The following PDE8B variants were observed in gnomAD, a reference collection of about 807,000 sequenced individuals.
PDE8B encodes high affinity cAMP-specific and IBMX-insensitive 3',5'-cyclic phosphodiesterase 8B.
In PDE8B, 26 loss-of-function variants were observed where a neutral mutation model predicts 101.3. The observed-to-expected ratio is 0.26, with a 90% confidence interval of 0.19 to 0.36. The LOEUF is 0.36. Ranked by LOEUF, PDE8B falls within the 10% of genes least tolerant of loss-of-function variation. The probability of loss-of-function intolerance (pLI) is 1.00; values close to 1 mark genes in which losing one functional copy is unlikely to be tolerated. For missense variants in PDE8B, 810 were observed against 1,163.1 expected (o/e 0.70, Z 4.42); for synonymous variants, 424 against 429.3 (o/e 0.99, Z 0.15).
At chr5:77,250,746 T>C (rs1405607557) in intron 1 of PDE8B, among the ~76,000 whole-genome samples, 1 of 152,164 alleles carries the variant, frequency 6.6e-6, no homozygotes, top group African/African-American at 2.4e-5. Context: ...GCCTGGGTCA[T>C]TGGTGGCCTC....
At chr5:77,259,587 G>A (rs1391353360) in intron 1 of PDE8B, among the ~76,000 whole-genome samples, 2 of 152,150 alleles carry the variant, frequency 1.3e-5, no homozygotes, top group Non-Finnish European at 2.9e-5. Context: ...GCCCTCACTT[G>A]GAAGGGGAAT....
At chr5:77,386,536 C>T (rs890944680) in intron 10 of PDE8B, among the ~76,000 whole-genome samples, 4 of 152,094 alleles carry the variant, frequency 2.6e-5, no homozygotes, top group African/African-American at 7.2e-5. Context: ...ATGTAATGGC[C>T]TTCTTTTTCT....
the PDE8B span, among the ~76,000 whole-genome samples, chr5:77,174,501 C>T: frequency 2.0e-5 from 3 of 152,128 alleles, no homozygotes; most frequent in Non-Finnish European, 4.4e-5. Flanking sequence ...TCACTATATG[C>T]TTCCCTCAAC....
At chr5:77,132,340 A>T in the PDE8B span, among the ~76,000 whole-genome samples, 1 of 152,118 alleles carries the variant, frequency 6.6e-6, no homozygotes, top group Admixed American at 6.6e-5. Context: ...ATCAACCTTG[A>T]ATATTGTCTG....
At chr5:77,165,541 T>C in the PDE8B span, 6 of 152,094 alleles carry the variant, frequency 3.9e-5, no homozygotes, top group African/African-American at 1.5e-4. Context: ...CAATAGGGCT[T>C]CTCTAACCAA....
At chr5:77,183,534 C>T in the PDE8B span, among the ~76,000 whole-genome samples, 5 of 152,088 alleles carry the variant, frequency 3.3e-5, no homozygotes, top group African/African-American at 1.2e-4. Flanking sequence ...ATGATCCAAG[C>T]GACATGCAAG....
chr5:77,095,343 C>A, the PDE8B span, among the ~76,000 whole-genome samples: 3 of 152,196 alleles, frequency 2.0e-5, no homozygotes, highest in Admixed American at 1.3e-4. Context: ...GTGTAACTTT[C>A]TTCTCTTGTT....
rs763046526 is a variant in PDE8B, at chr5:77,337,658, T to C, written c.797+343T>C. Among the ~76,000 whole-genome samples the C allele has an allele frequency of 1.4e-4, 21 of 152,338 alleles. No homozygotes were observed. The South Asian group carries it at 3.9e-3, about 29-fold the overall frequency. On this transcript the variant is annotated intron_variant, in intron 6 of 21. Transcript: ENST00000264917. ...CCTACTTTCAATATTTATACATTTT[T>C]ACTTGGATTGTTACGCATAGGGGCA...
intron 4 of PDE8B, among the ~76,000 whole-genome samples, chr5:77,329,393 G>A (rs1776681269): frequency 6.6e-6 from 1 of 151,938 alleles, no homozygotes; most frequent in Non-Finnish European, 1.5e-5. Flanking sequence ...TTTTTCCTTT[G>A]AAGAAAAGAG....
At chr5:77,298,939 T>C (rs1041657937) in intron 1 of PDE8B, among the ~76,000 whole-genome samples, 3 of 152,252 alleles carry the variant, frequency 2.0e-5, no homozygotes, top group Non-Finnish European at 4.4e-5. Flanking sequence ...GAACTTTGCA[T>C]TATACTCTGG....
At chr5:77,132,806 G>A in the PDE8B span, among the ~76,000 whole-genome samples, 2 of 152,164 alleles carry the variant, frequency 1.3e-5, no homozygotes, top group Non-Finnish European at 2.9e-5. Context: ...AGCTTCTAAG[G>A]AAAGGTCTAT....
chr5:77,395,771 G>A (rs1790920209), intron 10 of PDE8B, among the ~76,000 whole-genome samples: 1 of 122,644 alleles, frequency 8.2e-6, no homozygotes, highest in Non-Finnish European at 1.6e-5. Context: ...CTTAACCACA[G>A]CATTTACCAT....
the PDE8B span, chr5:77,139,592 CT>C: frequency 6.6e-6 from 1 of 152,186 alleles, no homozygotes; most frequent in African/African-American, 2.4e-5. Flanking sequence ...TAGTGGATGT[CT>C]TTTCTGTCAT....
At chr5:77,175,965 T>C in the PDE8B span, among the ~76,000 whole-genome samples, 1 of 152,362 alleles carries the variant, frequency 6.6e-6, no homozygotes, top group African/African-American at 2.4e-5. Flanking sequence ...ACCTAAATGG[T>C]GCATCCCATT....
intron 1 of PDE8B, among the ~76,000 whole-genome samples, chr5:77,258,415 C>T (rs1229370487): frequency 2.0e-5 from 3 of 151,518 alleles, no homozygotes; most frequent in Non-Finnish European, 4.4e-5. Context: ...TTGCATAAGA[C>T]CTTGTGAACC....
At chr5:77,274,962 T>G (rs1172998811) in intron 1 of PDE8B, among the ~76,000 whole-genome samples, 1 of 152,056 alleles carries the variant, frequency 6.6e-6, no homozygotes, top group Non-Finnish European at 1.5e-5. Flanking sequence ...GGTCAGAAAT[T>G]TAATCCACTG....
chr5:77,184,823 A>G, the PDE8B span, among the ~76,000 whole-genome samples: 1 of 152,048 alleles, frequency 6.6e-6, no homozygotes, highest in Non-Finnish European at 1.5e-5. Context: ...TAAATTTTTC[A>G]AAATAAAAAT....
At chr5:77,210,508 GGGCA>G, upstream of PDE8B, 1 of 460,514 alleles carries the variant, frequency 2.2e-6, no homozygotes, top group Non-Finnish European at 2.9e-6. The surrounding 1 kb of genome is among the most constrained non-coding windows in gnomAD (Gnocchi z 4.9). Flanking sequence ...GCAGGCAGGC[GGGCA>G]GGCGGGCGGG....
chr5:77,397,024 A>G (rs1013208917), intron 10 of PDE8B, among the ~76,000 whole-genome samples: 3 of 101,716 alleles, frequency 2.9e-5, no homozygotes, highest in African/African-American at 1.6e-4. Flanking sequence ...TTCCGATAAG[A>G]AATTTTTTTT....
Sources: allele counts gnomAD v4.1 joint callset (sites outside exome capture counted in the v4.1 genomes callset), GRCh38; gene constraint gnomAD v4.1.1; non-coding constraint Gnocchi (gnomAD v3.1); transcripts MANE v1.5; gene names NCBI Gene and HGNC (gene_info 2026-07-23, HGNC 2026-07-21).